FAT3: variants seen among roughly 807,000 people sequenced by gnomAD.
FAT3 encodes FAT atypical cadherin 3.
FAT3 carries 95 observed loss-of-function variants against 310.2 expected under a neutral mutation model. That is an observed-to-expected ratio of 0.31 (90% CI 0.26 to 0.36). The LOEUF (loss-of-function observed/expected upper bound fraction) is 0.36, where lower values mean the gene tolerates loss of function less well. Ranked by LOEUF, FAT3 falls within the 10% of genes least tolerant of loss-of-function variation. FAT3 has a pLI of 1.00. For synonymous variants in FAT3, 2,314 were observed against 2,192.9 expected, an observed-to-expected ratio of 1.06 and a Z score of -1.54; for missense variants, 5,408 against 5,715.6, an observed-to-expected ratio of 0.95 and a Z score of 1.74.
At chr11:92,823,742 A>G (rs1948029994) in intron 13 of FAT3, among the ~76,000 whole-genome samples, 1 of 152,290 alleles carries the variant, frequency 6.6e-6, no homozygotes, top group Admixed American at 6.5e-5. Flanking sequence ...GACTGACCCC[A>G]GGAGCTGGTA....
At chr11:92,612,523 C>T (rs1438628162) in intron 3 of FAT3, among the ~76,000 whole-genome samples, 1 of 152,114 alleles carries the variant, frequency 6.6e-6, no homozygotes, top group East Asian at 1.9e-4. Context: ...CTATGCAATT[C>T]AATCAGAAGA....
chr11:92,832,157 C>T, intron 14 of FAT3, 146 bp downstream of exon 14: 1 of 924,090 alleles, frequency 1.1e-6, no homozygotes, highest in Non-Finnish European at 1.6e-6. Flanking sequence ...AGAGTGAGAC[C>T]CTGTCTCTAC....
At chr11:92,268,744 T>C (rs1353669160) in intron 1 of FAT3, among the ~76,000 whole-genome samples, 2 of 152,176 alleles carry the variant, frequency 1.3e-5, no homozygotes, top group Non-Finnish European at 2.9e-5. Context: ...TTGACTAAAA[T>C]ATAAGTTACC....
intron 1 of FAT3, among the ~76,000 whole-genome samples, chr11:92,291,117 A>ACACACACACG (rs1565204984): frequency 1.3e-5 from 2 of 148,714 alleles, no homozygotes; most frequent in African/African-American, 2.5e-5. Context: ...ACACACACAC[A>ACACACACACG]TGCACGCGCG....
rs111552021 is a variant in FAT3 at position 92,815,496 on chromosome 11, C to G, written c.9481+5420C>G. Among the ~76,000 whole-genome samples the G allele has an allele frequency of 3.5e-3, 539 of 152,046 alleles. 2 individuals carry two copies. The highest frequency in any genetic ancestry group is 0.012 in the African/African-American group (504 of 41,468). ...GCTGAGGCAGGAGAATGGCATGAAC[C>G]CAGAAGGCAGAGCTTGCTGTGAGCA... On this transcript the variant is annotated intron_variant, in intron 13 of 27. Transcript: ENST00000525166.
At chr11:92,764,684 G>A (rs577934405) in intron 5 of FAT3, among the ~76,000 whole-genome samples, 195 bp from the exon 6 acceptor site, 22 of 152,190 alleles carry the variant, frequency 1.4e-4, no homozygotes, top group African/African-American at 5.3e-4. Context: ...TGGCAAACAT[G>A]GTGCAAGGTC....
intron 2 of FAT3, among the ~76,000 whole-genome samples, chr11:92,369,326 G>C (rs1949120757): frequency 6.6e-6 from 1 of 152,170 alleles, no homozygotes; most frequent in Non-Finnish European, 1.5e-5. Flanking sequence ...TGTTATTGCA[G>C]GAAGTGTTTG....
chr11:92,611,375 C>T (rs945147002), intron 3 of FAT3, among the ~76,000 whole-genome samples: 5 of 152,186 alleles, frequency 3.3e-5, no homozygotes, highest in East Asian at 1.9e-4. Context: ...CTGACTCCTC[C>T]TTCCAAATTG....
In FAT3 at chr11:92,466,564, T is replaced by A. The variant is rs1016871575; in HGVS notation, c.3293-58070T>A. On this transcript the variant is annotated intron_variant, in intron 2 of 27. Transcript: ENST00000525166. ...CCTCCATTCCGCATATCTTTTTTTTTTAAATTTTTTAATTATTTTATTTTA... is the reference window on the plus strand; with the variant it reads ...CCTCCATTCCGCATATCTTTTTTTTATAAATTTTTTAATTATTTTATTTTA... 2.6e-5 allele frequency among the ~76,000 whole-genome samples: 4 copies of A among 151,768 alleles called. 1 individual carries two copies. Among genetic ancestry groups the A allele is most frequent in the African/African-American group, 9.7e-5 (4 of 41,366 alleles).
At chr11:92,295,356 C>T (rs1160928665) in intron 1 of FAT3, among the ~76,000 whole-genome samples, 6 of 152,022 alleles carry the variant, frequency 3.9e-5, no homozygotes, top group African/African-American at 1.4e-4. Flanking sequence ...GCCAGGAGGC[C>T]GTGTTGGATT....
Position 92,895,919 on chromosome 11 carries a change from T to TACACAC in FAT3, c.*4822_*4827dup, listed in dbSNP as rs3029101. The TACACAC allele has an allele frequency of 7.7e-4, 115 of 150,032 alleles. No individual in the cohort carries two copies. Among genetic ancestry groups the TACACAC allele is most frequent in the African/African-American group, 2.3e-3 (93 of 40,830 alleles). 9.3% of individuals were successfully genotyped at this position (150,032 alleles called of 1,614,324 possible). On this transcript the variant is annotated 3_prime_UTR_variant, in exon 28 of 28. Transcript: ENST00000525166. ...TTGGTCTGCAAACTTTTGAGGTAAC[T>TACACAC]ACACACACACACACACACACAAGGA...
intron 3 of FAT3, among the ~76,000 whole-genome samples, chr11:92,661,008 A>G (rs548309913): frequency 6.6e-6 from 1 of 152,340 alleles, no homozygotes; most frequent in East Asian, 1.9e-4. Context: ...TTCTACCTCT[A>G]CATCTACACA....
At chr11:92,453,586 A>T (rs1419882839) in intron 2 of FAT3, among the ~76,000 whole-genome samples, 1 of 152,216 alleles carries the variant, frequency 6.6e-6, no homozygotes, top group Non-Finnish European at 1.5e-5. Flanking sequence ...ATCAAATTAC[A>T]TATAAGCATA....
Position 92,883,285 on chromosome 11 carries a change from C to T in FAT3, c.12829C>T (p.Arg4277Trp), listed in dbSNP as rs773166379. 3.1e-5 allele frequency: 50 copies of T among 1,612,544 alleles called. No homozygotes were observed. The highest frequency in any genetic ancestry group is 3.8e-5 in the Non-Finnish European group (45 of 1,179,838). ...TGAGTCGCCCCGCATCCTGACAGCC[C>T]GGCGGGGCGTGGTCGTGTGCAGTGT... ...HPESPRILTA[R>W]RGVVVCSVAP... Residue 4277 changes from arginine to tryptophan, a missense_variant, in exon 24 of 28, where the codon CGG (arginine) becomes TGG (tryptophan). Around this residue, in one of 5 missense-constraint regions of FAT3, gnomAD observed 649 missense variants for 666.2 expected, o/e 0.97. Transcript: ENST00000525166. This position sits in a 1 kb window ranked among gnomAD's most constrained non-coding sequence, Gnocchi z 4.2.
intron 2 of FAT3, among the ~76,000 whole-genome samples, chr11:92,438,773 T>A (rs1297520500): frequency 6.6e-6 from 1 of 152,194 alleles, no homozygotes; most frequent in Non-Finnish European, 1.5e-5. Context: ...ATGTTTCTAT[T>A]TACAATGTTT....
intron 3 of FAT3, among the ~76,000 whole-genome samples, chr11:92,593,828 C>CAGGAA (rs1565440979): frequency 6.6e-6 from 1 of 152,062 alleles, no homozygotes; most frequent in African/African-American, 2.4e-5. Flanking sequence ...CTGGCTAGGC[C>CAGGAA]AGGAAAGTCT....
chr11:92,325,528 C>T (rs574033689), intron 1 of FAT3, among the ~76,000 whole-genome samples: 84 of 152,258 alleles, frequency 5.5e-4, no homozygotes, highest in Non-Finnish European at 6.8e-4. Flanking sequence ...TTCTGACAGG[C>T]AACTCCTTAC....
intron 3 of FAT3, among the ~76,000 whole-genome samples, chr11:92,672,925 A>G (rs1943176544): frequency 6.6e-6 from 1 of 152,218 alleles, no homozygotes; most frequent in African/African-American, 2.4e-5. Context: ...GTAACCTGTC[A>G]TAAAGCTGTA....
intron 1 of FAT3, among the ~76,000 whole-genome samples, chr11:92,308,257 G>T (rs1041672884): frequency 6.6e-6 from 1 of 152,164 alleles, no homozygotes; most frequent in Non-Finnish European, 1.5e-5. Flanking sequence ...AGTAAGCAGA[G>T]AACAGAATGT....
Sources: allele counts gnomAD v4.1 joint callset (sites outside exome capture counted in the v4.1 genomes callset), GRCh38; gene constraint gnomAD v4.1.1; regional missense constraint gnomAD v4.1.1; non-coding constraint Gnocchi (gnomAD v3.1); transcripts MANE v1.5; gene names NCBI Gene and HGNC (gene_info 2026-07-23, HGNC 2026-07-21).